The following CASS4 variants were observed in gnomAD, a reference collection of about 807,000 sequenced individuals.
CASS4 encodes cas scaffolding protein family member 4.
CASS4 carries 22 observed loss-of-function variants against 54.2 expected under a neutral mutation model. That is an observed-to-expected ratio of 0.41 (90% CI 0.29 to 0.58). CASS4 has a LOEUF of 0.58. CASS4 is among the 20% of genes least tolerant of loss of function. The pLI, the probability that CASS4 is intolerant of heterozygous loss-of-function variation, is 0.36. For synonymous variants in CASS4, 409 were observed against 391.5 expected (o/e 1.04, Z -0.53); for missense variants, 854 against 986.7 (o/e 0.87, Z 1.80).
In CASS4 at chr20:56,458,568, G is replaced by C; in HGVS notation, c.2182G>C (p.Asp728His). The change falls in exon 6 of 6, where the codon GAC becomes CAC. Residue 728 changes from aspartate (D) to histidine (H), a missense_variant. Physicochemically the swap from Asp to His is moderately conservative, Grantham distance 81. Coordinates refer to ENST00000679887, the MANE Select transcript of CASS4 (RefSeq NM_020356.4). ...GCTGTGCATGGAGACCCAGGAGAGG[G>C]ACGTGCGCAACGAGATCCTCCGTGG... ...DTLCMETQER[D>H]VRNEILRGSS... The C allele has an allele frequency of 6.2e-7, 1 of 1,614,036 alleles. No individual in the cohort carries two copies. The highest frequency in any genetic ancestry group is 8.5e-7 in the Non-Finnish European group (1 of 1,179,954).
chr20:56,450,478 G>A (rs1161496232), intron 3 of CASS4, 121 bp from the exon 4 acceptor site: 24 of 908,786 alleles, frequency 2.6e-5, no homozygotes, highest in Admixed American at 1.6e-4. Flanking sequence ...CAAAAGCACC[G>A]AAAAGTCTTC....
At chr20:56,429,782 A>G (rs1387480754) in intron 1 of CASS4, among the ~76,000 whole-genome samples, 2 of 152,160 alleles carry the variant, frequency 1.3e-5, no homozygotes, top group African/African-American at 2.4e-5. Flanking sequence ...CTGCTTTCTC[A>G]GGTAAACGTC....
At chr20:56,449,630 A>G (rs1353741340) in intron 3 of CASS4, among the ~76,000 whole-genome samples, 1 of 152,060 alleles carries the variant, frequency 6.6e-6, no homozygotes, top group East Asian at 1.9e-4. Flanking sequence ...AAATTATTAA[A>G]CTAATTACAC....
At chr20:56,425,550 A>G (rs1979599101) in intron 1 of CASS4, among the ~76,000 whole-genome samples, 1 of 152,196 alleles carries the variant, frequency 6.6e-6, no homozygotes, top group Non-Finnish European at 1.5e-5. Context: ...GTCTTCCTGC[A>G]TGTGGCAAAC....
At chr20:56,421,374 G>A (rs1336987472) in intron 1 of CASS4, among the ~76,000 whole-genome samples, 5 of 152,152 alleles carry the variant, frequency 3.3e-5, no homozygotes, top group African/African-American at 1.2e-4. Context: ...CAGGAAGCAG[G>A]CAGTTGCTAG....
chr20:56,441,048 G>A (rs1980431690), intron 2 of CASS4, among the ~76,000 whole-genome samples: 1 of 150,408 alleles, frequency 6.6e-6, no homozygotes, highest in Admixed American at 6.6e-5. Flanking sequence ...GAGTGCAGTG[G>A]CGTGATCTCG....
intron 2 of CASS4, among the ~76,000 whole-genome samples, chr20:56,445,091 C>T (rs1414690522): frequency 2.0e-5 from 3 of 150,744 alleles, no homozygotes; most frequent in African/African-American, 7.4e-5. Context: ...GCCTGGGCAA[C>T]AGGAGCGAAG....
chr20:56,424,630 A>G (rs1979554535), intron 1 of CASS4, among the ~76,000 whole-genome samples: 1 of 150,998 alleles, frequency 6.6e-6, no homozygotes, highest in Non-Finnish European at 1.5e-5. Context: ...AGTCCCAGCT[A>G]CTCGGGAAGC....
At chr20:56,440,478 G>A (rs940964385) in intron 2 of CASS4, among the ~76,000 whole-genome samples, 11 of 152,148 alleles carry the variant, frequency 7.2e-5, no homozygotes, top group African/African-American at 2.4e-4. Flanking sequence ...TTCACAATCA[G>A]TTAAGTTTTC....
intron 1 of CASS4, among the ~76,000 whole-genome samples, chr20:56,416,786 T>G (rs11697922): frequency 0.15 from 22,814 of 152,224 alleles, 1,975 homozygotes; most frequent in South Asian, 0.21. Flanking sequence ...AATCTGTACT[T>G]TCTTTTATAA....
At chr20:56,453,848 T>C (rs1981160520) in intron 5 of CASS4, 1 of 152,246 alleles carries the variant, frequency 6.6e-6, no homozygotes, top group Non-Finnish European at 1.5e-5. Context: ...CACTCCAGCC[T>C]TGGTGACAGA....
upstream of CASS4, chr20:56,412,199 C>T (rs999616724): frequency 5.1e-5 from 25 of 490,754 alleles, no homozygotes; most frequent in African/African-American, 1.2e-4. The surrounding 1 kb of genome is among the most constrained non-coding windows in gnomAD (Gnocchi z 4.2). Flanking sequence ...CAAAGTGAGA[C>T]GTCAGGCATT....
chr20:56,458,166 G>A (rs138636863), intron 5 of CASS4, among the ~76,000 whole-genome samples, 174 bp from the exon 6 acceptor site: 185 of 151,650 alleles, frequency 1.2e-3, no homozygotes, highest in African/African-American at 4.3e-3. Flanking sequence ...ATATTACAGT[G>A]CTTTGAAAAC....
At chr20:56,456,923 C>T (rs756648607) in intron 5 of CASS4, among the ~76,000 whole-genome samples, 11 of 144,948 alleles carry the variant, frequency 7.6e-5, no homozygotes, top group Admixed American at 6.9e-4. Flanking sequence ...TAGGGTTAAG[C>T]GATCCTCCTG....
rs983405121 is a variant in CASS4 at position 56,412,334 on chromosome 20, CAGAT to C, written c.-122_-119del. 5 of 1,021,384 alleles carry C rather than the reference CAGAT, an allele frequency of 4.9e-6. No homozygotes were observed. The highest frequency in any genetic ancestry group is 5.3e-5 in the East Asian group (2 of 38,050). 63.3% of individuals were successfully genotyped at this position (1,021,384 alleles called of 1,614,324 possible). On this transcript the variant is annotated 5_prime_UTR_variant, in exon 1 of 6. It removes the in-frame stop codon of an upstream open reading frame in the 5' UTR. Coordinates refer to ENST00000679887, the MANE Select transcript of CASS4 (RefSeq NM_020356.4). The surrounding 1 kb of genome is among the most constrained non-coding windows in gnomAD (Gnocchi z 4.2). ...TTTTTGATCGTTTCCCATGTGTTGT[CAGAT>C]AGCTCCATAGAATTCAGTTTCTGAG...
In CASS4 at chr20:56,460,279, G is replaced by T. The variant is rs575259079; in HGVS notation, c.*1532G>T. ...CTCAAATCTGTTACAATTTATATTG[G>T]TTGGTGCAAAAGTAATTGCGGTTTT... On this transcript the variant is annotated 3_prime_UTR_variant, in exon 6 of 6. Coordinates refer to ENST00000679887, the MANE Select transcript of CASS4 (RefSeq NM_020356.4). 3 of 152,254 alleles carry T rather than the reference G, an allele frequency of 2.0e-5. No homozygotes were observed. In the East Asian group the frequency reaches 5.8e-4, roughly 30 times the overall value. The allele number at this position is 152,254 out of a possible 1,614,324, so 9.4% of individuals were successfully genotyped here.
intron 1 of CASS4, among the ~76,000 whole-genome samples, chr20:56,413,435 G>C (rs1408380168): frequency 6.6e-6 from 1 of 151,948 alleles, no homozygotes; most frequent in Non-Finnish European, 1.5e-5. Context: ...CACTTTGGGA[G>C]GCCAAGGCAG....
chr20:56,442,449 GACGCT>G (rs1980506779), intron 2 of CASS4, among the ~76,000 whole-genome samples: 1 of 151,668 alleles, frequency 6.6e-6, no homozygotes, highest in South Asian at 2.1e-4. Context: ...CTCTGTGGCT[GACGCT>G]ATTCTTTCTG....
rs371177644 is a variant in CASS4, at chr20:56,452,244, G to A, written c.1068G>A (p.Thr356=). The change falls in exon 5 of 6, where the codon ACG becomes ACA. Residue 356 remains threonine, a synonymous_variant. Transcript: ENST00000679887. ...KPNIYDIPKA[T]SSVSQAGKEL... ...ATATTTATGACATCCCTAAAGCAAC[G>A]TCGAGTGTTTCTCAGGCTGGGAAGG... The A allele has an allele frequency of 6.5e-5, 105 of 1,613,942 alleles. No individual in the cohort carries two copies. The highest frequency in any genetic ancestry group is 1.2e-4 in the Admixed American group (7 of 59,996).
Sources: allele counts gnomAD v4.1 joint callset (sites outside exome capture counted in the v4.1 genomes callset), GRCh38; gene constraint gnomAD v4.1.1; non-coding constraint Gnocchi (gnomAD v3.1); transcripts MANE v1.5; gene names NCBI Gene and HGNC (gene_info 2026-07-23, HGNC 2026-07-21).